FRMD4B: variants seen among roughly 807,000 people sequenced by gnomAD.
FRMD4B encodes FERM domain-containing protein 4B.
A neutral mutation model predicts 141.5 loss-of-function variants in FRMD4B; 74 were observed. The observed-to-expected ratio is 0.52, with a 90% CI of 0.43 to 0.63. The LOEUF is 0.63. FRMD4B is among the 30% of genes least tolerant of loss of function. The pLI, the probability that FRMD4B is intolerant of heterozygous loss-of-function variation, is 0.00. For synonymous variants in FRMD4B, 506 were observed against 467.9 expected (o/e 1.08, Z -1.05); for missense variants, 1,366 against 1,253.4 (o/e 1.09, Z -1.36).
At chr3:69,488,203 T>G (rs758709113) in intron 1 of FRMD4B, among the ~76,000 whole-genome samples, 2 of 152,186 alleles carry the variant, frequency 1.3e-5, no homozygotes, top group Non-Finnish European at 2.9e-5. Flanking sequence ...GATCTGAGAA[T>G]TGCCTGAAGG....
chr3:69,343,637 T>C (rs1702825444), intron 1 of FRMD4B, among the ~76,000 whole-genome samples: 1 of 146,988 alleles, frequency 6.8e-6, no homozygotes, highest in Non-Finnish European at 1.5e-5. Flanking sequence ...TGAAGTGCAG[T>C]GGTGTGATCC....
intron 1 of FRMD4B, among the ~76,000 whole-genome samples, chr3:69,339,056 A>G (rs1157482123): frequency 1.3e-5 from 2 of 152,176 alleles, no homozygotes; most frequent in African/African-American, 2.4e-5. Context: ...ATTTATGCCA[A>G]TGTGACTGAC....
intron 7 of FRMD4B, among the ~76,000 whole-genome samples, chr3:69,243,667 G>A (rs1176782171): frequency 6.6e-6 from 1 of 152,172 alleles, no homozygotes; most frequent in Non-Finnish European, 1.5e-5. Context: ...ATCTCTTTGG[G>A]CTTAAATTTT....
At chr3:69,215,800 T>A (rs1343724613) in intron 11 of FRMD4B, among the ~76,000 whole-genome samples, 1 of 152,216 alleles carries the variant, frequency 6.6e-6, no homozygotes, top group African/African-American at 2.4e-5. Flanking sequence ...TGTATATGCA[T>A]AAATGTACAT....
intron 1 of FRMD4B, among the ~76,000 whole-genome samples, chr3:69,459,132 G>A (rs1386574970): frequency 6.6e-6 from 1 of 152,132 alleles, no homozygotes; most frequent in Non-Finnish European, 1.5e-5. Flanking sequence ...ATGATCCACT[G>A]CCTTTTTTCT....
chr3:69,467,170 G>A (rs1012298318), intron 1 of FRMD4B, among the ~76,000 whole-genome samples: 1 of 152,284 alleles, frequency 6.6e-6, no homozygotes. Context: ...TGGAGCCAAT[G>A]AGAAGTGGAG....
chr3:69,171,593 A>C lies in FRMD4B; in HGVS notation c.*268T>G. The C allele has an allele frequency of 3.0e-6, 1 of 338,376 alleles. No homozygotes were observed. Among genetic ancestry groups the C allele is most frequent in the Non-Finnish European group, 5.5e-6 (1 of 182,444 alleles). 21.0% of individuals were successfully genotyped at this position (338,376 alleles called of 1,614,324 possible). On this transcript the variant is annotated 3_prime_UTR_variant, in exon 23 of 23. Transcript: ENST00000398540. ...TGCTTGCTATTGATGAAGGCTTCAC[A>C]CTGAGTCCTCTCTTGGCAATACTTC...
intron 1 of FRMD4B, among the ~76,000 whole-genome samples, chr3:69,491,156 G>A (rs1340536803): frequency 6.6e-6 from 1 of 152,148 alleles, no homozygotes; most frequent in Non-Finnish European, 1.5e-5. Flanking sequence ...AAATCAAAGC[G>A]GAGTCTGTCC....
intron 7 of FRMD4B, among the ~76,000 whole-genome samples, chr3:69,243,396 A>G (rs2093401613): frequency 6.6e-6 from 1 of 152,208 alleles, no homozygotes; most frequent in South Asian, 2.1e-4. Context: ...AGAAAAAATG[A>G]AGAGAGGCAT....
Position 69,169,314 on chromosome 3 carries a change from G to A in FRMD4B, c.*2547C>T, listed in dbSNP as rs1361944931. Among the ~76,000 whole-genome samples the A allele has an allele frequency of 1.4e-5, 2 of 147,922 alleles. No homozygotes were observed. Among genetic ancestry groups the A allele is most frequent in the Non-Finnish European group, 3.0e-5 (2 of 67,094 alleles). The stretch of plus-strand genomic sequence containing the variant: ...AGAAATGTTTTTCAAAAGAGACGAA[G>A]AAAACCGTGCAGTAGGATTGCTGAA... On this transcript the variant is annotated 3_prime_UTR_variant, in exon 23 of 23. Coordinates refer to ENST00000398540, the MANE Select transcript of FRMD4B (RefSeq NM_015123.3).
intron 19 of FRMD4B, among the ~76,000 whole-genome samples, chr3:69,184,145 C>G (rs62255542): frequency 0.03 from 4,625 of 152,168 alleles, 82 homozygotes; most frequent in East Asian, 0.056. Flanking sequence ...CTCCTGACGT[C>G]AAGTAATCTG....
intron 4 of FRMD4B, among the ~76,000 whole-genome samples, chr3:69,301,553 C>T (rs772564915): frequency 5.3e-5 from 8 of 152,166 alleles, no homozygotes; most frequent in Middle Eastern, 3.2e-3. Context: ...TGTTCTCAAA[C>T]TCCTAACCTC....
At chr3:69,342,635 C>CA (rs1321236741) in intron 1 of FRMD4B, among the ~76,000 whole-genome samples, 1 of 152,162 alleles carries the variant, frequency 6.6e-6, no homozygotes, top group Non-Finnish European at 1.5e-5. Context: ...CTAACCCCCT[C>CA]AATAACATTA....
Position 69,302,326 on chromosome 3 carries a change from G to A in FRMD4B, c.416+17C>T, listed in dbSNP as rs766359398. Reference sequence around the variant, plus strand: ...AGCAAAAAAAGAGGGATGCTAACTGGGTCTGTGGATACATACCTCACAGCA... The same window carrying A: ...AGCAAAAAAAGAGGGATGCTAACTGAGTCTGTGGATACATACCTCACAGCA... On this transcript the variant is annotated intron_variant, in intron 4 of 22. Transcript: ENST00000398540. 2.2e-6 allele frequency: 3 copies of A among 1,380,890 alleles called. No individual in the cohort carries two copies. The South Asian group carries it at 3.6e-5, about 16-fold the overall frequency. 85.5% of individuals were successfully genotyped at this position (1,380,890 alleles called of 1,614,324 possible).
chr3:69,242,503 T>A (rs2093392742), intron 7 of FRMD4B, among the ~76,000 whole-genome samples: 1 of 120,402 alleles, frequency 8.3e-6, no homozygotes, highest in Admixed American at 8.9e-5. Context: ...TTTTTTTTTT[T>A]TTTTTTTTTT....
intron 1 of FRMD4B, among the ~76,000 whole-genome samples, chr3:69,437,576 A>G (rs1447782989): frequency 7.1e-6 from 1 of 141,650 alleles, no homozygotes; most frequent in African/African-American, 2.6e-5. Flanking sequence ...ACTATTATAT[A>G]TCAGTATATT....
intron 1 of FRMD4B, among the ~76,000 whole-genome samples, chr3:69,368,806 C>T (rs1703743129): frequency 6.6e-6 from 1 of 152,280 alleles, no homozygotes. Flanking sequence ...TACAGGTACA[C>T]ACCACCATAT....
chr3:69,457,583 T>G (rs1330961655), intron 1 of FRMD4B, among the ~76,000 whole-genome samples: 2 of 152,212 alleles, frequency 1.3e-5, no homozygotes, highest in African/African-American at 2.4e-5. Flanking sequence ...GAGGTCGAAG[T>G]GTTAAAATCT....
At chr3:69,505,945 C>A (rs1240005884) in intron 1 of FRMD4B, among the ~76,000 whole-genome samples, 2 of 152,162 alleles carry the variant, frequency 1.3e-5, no homozygotes, top group African/African-American at 2.4e-5. Flanking sequence ...ATGGTCTCTG[C>A]AGCAACCAAC....
Sources: gnomAD v4.1 joint callset for allele counts (sites outside exome capture counted in the v4.1 genomes callset) on GRCh38, gnomAD v4.1.1 for gene constraint, MANE v1.5 for transcripts, NCBI Gene and HGNC (gene_info 2026-07-23, HGNC 2026-07-21) for gene names.